KCND3: variants seen among roughly 807,000 people sequenced by gnomAD.
KCND3 encodes A-type voltage-gated potassium channel KCND3.
Under a neutral mutation model 51.1 loss-of-function variants are expected in KCND3, and 9 were observed. That is an observed-to-expected ratio of 0.18 (90% CI 0.11 to 0.31). The LOEUF (loss-of-function observed/expected upper bound fraction) is 0.31, where lower values mean the gene tolerates loss of function less well. Among genes scored for constraint, KCND3 ranks in the 10% least tolerant of loss-of-function variants. KCND3 has a pLI of 1.00. For synonymous variants in KCND3, 349 were observed against 368.0 expected, an observed-to-expected ratio of 0.95 and a Z score of 0.59; for missense variants, 526 against 903.8, an observed-to-expected ratio of 0.58 and a Z score of 5.36.
chr1:111,803,833 TA>T (rs1232736081), intron 2 of KCND3, among the ~76,000 whole-genome samples: 1 of 152,134 alleles, frequency 6.6e-6, no homozygotes, highest in Non-Finnish European at 1.5e-5. Context: ...AAAACTTCGT[TA>T]AAAGAAGAAC....
intron 2 of KCND3, among the ~76,000 whole-genome samples, chr1:111,964,505 A>G (rs140409578): frequency 2.8e-4 from 43 of 152,270 alleles, no homozygotes; most frequent in African/African-American, 1.0e-3. Context: ...TCCTGCCTCA[A>G]GCAGCCTAGC....
chr1:111,793,333 G>A (rs1240692356), intron 2 of KCND3, among the ~76,000 whole-genome samples: 6 of 151,956 alleles, frequency 3.9e-5, no homozygotes, highest in East Asian at 1.9e-4. Context: ...CCATCACCAC[G>A]CCTGGCTAAT....
chr1:111,842,387 C>G (rs1667365085), intron 2 of KCND3, among the ~76,000 whole-genome samples: 1 of 152,168 alleles, frequency 6.6e-6, no homozygotes, highest in Non-Finnish European at 1.5e-5. Flanking sequence ...TGGGACCTCC[C>G]AAAATGTCAG....
intron 2 of KCND3, among the ~76,000 whole-genome samples, chr1:111,820,827 A>G (rs58531778): frequency 0.094 from 14,363 of 152,202 alleles, 1,321 homozygotes; most frequent in African/African-American, 0.24. Flanking sequence ...ACACAGACAC[A>G]GGGGGGTGAC....
At chr1:111,857,746 G>T (rs560547272) in intron 2 of KCND3, among the ~76,000 whole-genome samples, 44 of 151,838 alleles carry the variant, frequency 2.9e-4, no homozygotes, top group Admixed American at 1.0e-3. Context: ...CCTCTGGGAG[G>T]CATCCTCTGA....
intron 2 of KCND3, among the ~76,000 whole-genome samples, chr1:111,867,152 T>C (rs1257009146): frequency 1.3e-5 from 2 of 152,158 alleles, no homozygotes; most frequent in Non-Finnish European, 2.9e-5. Flanking sequence ...CTTAGAACAA[T>C]GCCCACCCCA....
chr1:111,919,846 T>G (rs1369366406), intron 2 of KCND3, among the ~76,000 whole-genome samples: 2 of 152,162 alleles, frequency 1.3e-5, no homozygotes, highest in Non-Finnish European at 2.9e-5. Flanking sequence ...TCAAACCGAT[T>G]TGAAACAGGT....
intron 2 of KCND3, among the ~76,000 whole-genome samples, chr1:111,813,816 T>TTATA (rs1268683489): frequency 6.6e-6 from 1 of 152,226 alleles, no homozygotes; most frequent in East Asian, 1.9e-4. Flanking sequence ...TCCTTTCCCA[T>TTATA]TATATAGATG....
chr1:111,793,165 A>G (rs1664910819), intron 2 of KCND3, among the ~76,000 whole-genome samples: 2 of 150,446 alleles, frequency 1.3e-5, no homozygotes, highest in Non-Finnish European at 2.9e-5. Flanking sequence ...ACACCCAGCC[A>G]GAAGCATATT....
chr1:111,832,312 A>C (rs1666869089), intron 2 of KCND3, among the ~76,000 whole-genome samples: 1 of 152,222 alleles, frequency 6.6e-6, no homozygotes, highest in Non-Finnish European at 1.5e-5. Context: ...CTCCGAGAGA[A>C]GCCTGGGACG....
At chr1:111,804,986 G>A (rs1469689968) in intron 2 of KCND3, among the ~76,000 whole-genome samples, 1 of 152,196 alleles carries the variant, frequency 6.6e-6, no homozygotes, top group Non-Finnish European at 1.5e-5. Flanking sequence ...CTGAGGGCCC[G>A]TGTGAGTGGC....
At chr1:111,978,645 T>A (rs1387612486) in intron 2 of KCND3, among the ~76,000 whole-genome samples, 2 of 152,082 alleles carry the variant, frequency 1.3e-5, no homozygotes, top group Non-Finnish European at 2.9e-5. Context: ...AGGGAATAGA[T>A]CATACACCAA....
chr1:111,830,161 C>T (rs1369755352), intron 2 of KCND3, among the ~76,000 whole-genome samples: 1 of 152,130 alleles, frequency 6.6e-6, no homozygotes, highest in African/African-American at 2.4e-5. Context: ...ACTGTTATTC[C>T]CAGTGCCCAG....
At chr1:111,940,451 C>T (rs1672462282) in intron 2 of KCND3, among the ~76,000 whole-genome samples, 1 of 152,112 alleles carries the variant, frequency 6.6e-6, no homozygotes, top group Non-Finnish European at 1.5e-5. Flanking sequence ...ATATGGCTAG[C>T]CTGTTTTCCC....
At chr1:111,852,951 C>T (rs1667891747) in intron 2 of KCND3, among the ~76,000 whole-genome samples, 1 of 152,210 alleles carries the variant, frequency 6.6e-6, no homozygotes, top group Admixed American at 6.5e-5. Context: ...CATTGTTTAA[C>T]CCTGGTCCTC....
At chr1:111,823,700 C>T (rs1666450324) in intron 2 of KCND3, among the ~76,000 whole-genome samples, 1 of 152,136 alleles carries the variant, frequency 6.6e-6, no homozygotes, top group Non-Finnish European at 1.5e-5. Flanking sequence ...CTCATGGCAA[C>T]CCTCAGAGCT....
chr1:111,847,403 C>A (rs187483690), intron 2 of KCND3, among the ~76,000 whole-genome samples: 39 of 152,138 alleles, frequency 2.6e-4, no homozygotes, highest in Admixed American at 7.2e-4. Context: ...GCCTCTTATC[C>A]AAGATAAAAA....
intron 2 of KCND3, among the ~76,000 whole-genome samples, chr1:111,876,803 G>A (rs1669071260): frequency 1.3e-5 from 2 of 152,224 alleles, no homozygotes; most frequent in African/African-American, 4.8e-5. Context: ...AAGGGAGAAG[G>A]AGGGGCTGGA....
In KCND3 at chr1:111,840,116, T is replaced by TC. The variant is rs1408398962; in HGVS notation, c.1107-53011dup. ...ACATGGTGGAAGGTGGTGAACAAGC[T>TC]CCCCTGGGCATTTTTTTTAGAAGGA... On this transcript the variant is annotated intron_variant, in intron 2 of 7. Coordinates refer to ENST00000302127, the MANE Select transcript of KCND3 (RefSeq NM_001378969.1). 3.9e-5 allele frequency among the ~76,000 whole-genome samples: 6 copies of TC among 152,174 alleles called. No individual in the cohort carries two copies. In the East Asian group the frequency reaches 1.2e-3, roughly 29 times the overall value.
Sources: allele counts gnomAD v4.1 joint callset (sites outside exome capture counted in the v4.1 genomes callset), GRCh38; gene constraint gnomAD v4.1.1; transcripts MANE v1.5; gene names NCBI Gene and HGNC (gene_info 2026-07-23, HGNC 2026-07-21).